Variants in ARVCF observed in about 807,000 individuals in gnomAD.
ARVCF encodes the protein splicing regulator ARVCF.
ARVCF carries 66 observed loss-of-function variants against 90.9 expected under a neutral mutation model. The ratio of observed to expected loss-of-function variants is 0.73; its 90% CI spans 0.60 to 0.89. ARVCF has a LOEUF of 0.89. ARVCF is among the 40% of genes least tolerant of loss of function. The pLI is 0.00. For synonymous variants in ARVCF, 653 were observed against 603.4 expected (o/e 1.08, Z -1.21); for missense variants, 1,469 against 1,382.3 (o/e 1.06, Z -1.00).
downstream of ARVCF, chr22:19,969,895 G>T (rs982843466): frequency 1.0e-6 from 1 of 985,460 alleles, no homozygotes; most frequent in South Asian, 4.7e-5. Flanking sequence ...AAAGCAAAAA[G>T]TTCCTTTGCT....
intron 10 of ARVCF, among the ~76,000 whole-genome samples, chr22:19,976,467 T>C (rs1189353187): frequency 6.6e-6 from 1 of 152,080 alleles, no homozygotes; most frequent in Non-Finnish European, 1.5e-5. Context: ...TTGGTGCCCC[T>C]AGAGATAAGT....
At chr22:20,015,491 A>G (rs764833074) in intron 1 of ARVCF, among the ~76,000 whole-genome samples, 6 of 152,152 alleles carry the variant, frequency 3.9e-5, no homozygotes, top group Non-Finnish European at 7.3e-5. Flanking sequence ...GCTCCAATAG[A>G]GTGAGTACAA....
Position 19,974,210 on chromosome 22 carries a change from C to G in ARVCF, c.1990G>C (p.Val664Leu), listed in dbSNP as rs761063363. Residue 664 changes from valine (V) to leucine (L), a missense_variant, in exon 12 of 20, where the codon GTA becomes CTA. By Grantham distance (32) the Val-to-Leu change is conservative. Transcript: ENST00000263207. ...GTGAGGAGGGAGAGGTAGAGACGTA[C>G]CACCTCGGGCTGGTACAGCAGCTCA... ...GFELLYQPEV[V>L]RLYLSLLTES... is the part of the protein sequence containing the mutation. 1 of 1,612,246 alleles carries G rather than the reference C, an allele frequency of 6.2e-7. No homozygotes were observed. Among genetic ancestry groups the G allele is most frequent in the Non-Finnish European group, 8.5e-7 (1 of 1,179,502 alleles).
chr22:19,968,471 G>T, downstream of ARVCF: 1 of 1,516,130 alleles, frequency 6.6e-7, no homozygotes, highest in South Asian at 1.2e-5. Context: ...CACCCATCCT[G>T]GTTTGGGGCA....
At chr22:19,973,900 A>G in intron 12 of ARVCF, 107 bp from the exon 13 acceptor site, 1 of 1,507,858 alleles carries the variant, frequency 6.6e-7, no homozygotes, top group Non-Finnish European at 8.9e-7. Context: ...CGTGCCCGAC[A>G]AAGCCCTACC....
At chr22:20,007,127 G>T (rs545700782) in intron 2 of ARVCF, among the ~76,000 whole-genome samples, 1 of 149,226 alleles carries the variant, frequency 6.7e-6, no homozygotes, top group Admixed American at 6.7e-5. Context: ...GGCCGGGAGC[G>T]GTGGCTCACA....
intron 2 of ARVCF, among the ~76,000 whole-genome samples, chr22:19,997,943 G>T (rs183631361): frequency 6.6e-6 from 1 of 152,212 alleles, no homozygotes. Flanking sequence ...CAGTGGAGGC[G>T]GAGGCGGGGT....
downstream of ARVCF, chr22:19,967,585 T>C: frequency 2.7e-6 from 1 of 365,458 alleles, no homozygotes; most frequent in Non-Finnish European, 5.4e-6. Flanking sequence ...CCAGGACAGC[T>C]GCAAGCCCTG....
intron 1 of ARVCF, among the ~76,000 whole-genome samples, chr22:20,015,630 G>A (rs1179938412): frequency 6.6e-6 from 1 of 152,114 alleles, no homozygotes; most frequent in Admixed American, 6.5e-5. Context: ...AGCTAAGGTC[G>A]GGAGAGGTGG....
intron 2 of ARVCF, among the ~76,000 whole-genome samples, chr22:19,997,114 G>A (rs1601653184): frequency 6.6e-6 from 1 of 152,222 alleles, no homozygotes; most frequent in Admixed American, 6.5e-5. Context: ...TGGATGGGAG[G>A]TCCAGGGGGA....
intron 3 of ARVCF, chr22:19,987,185 C>A (rs1943830364): frequency 7.3e-6 from 3 of 413,186 alleles, no homozygotes; most frequent in South Asian, 6.3e-5. Flanking sequence ...CGGGCTCAGG[C>A]TCGGCGGACT....
intron 3 of ARVCF, chr22:19,987,184 G>A: frequency 2.4e-6 from 1 of 419,624 alleles, no homozygotes; most frequent in South Asian, 5.7e-5. Context: ...TCGGGCTCAG[G>A]CTCGGCGGAC....
At position 19,977,978 on chromosome 22, in the gene ARVCF, G is replaced by C; in HGVS notation, c.1678C>G (p.Arg560Gly). 2 of 1,609,490 alleles carry C rather than the reference G, an allele frequency of 1.2e-6. No homozygotes were observed. Among genetic ancestry groups the C allele is most frequent in the Non-Finnish European group, 1.7e-6 (2 of 1,178,168 alleles). Residue 560 changes from arginine (R) to glycine (G), a missense_variant, in exon 8 of 20, where the codon CGG becomes GGG. Physicochemically the swap from Arg to Gly is moderately radical, Grantham distance 125. Coordinates refer to ENST00000263207, the MANE Select transcript of ARVCF (RefSeq NM_001670.3). ...LLHALQSAVG[R>G]KDTDNKSVEN... is the part of the protein sequence containing the mutation. The stretch of plus-strand genomic sequence containing the variant: ...CCCACCTTGTTGTCAGTGTCCTTCC[G>C]GCCCACAGCCGACTGCAGGGCATGC...
chr22:19,966,436 TAAAAAAAA>T (rs362115), downstream of ARVCF, among the ~76,000 whole-genome samples: 2 of 135,304 alleles, frequency 1.5e-5, no homozygotes, highest in Admixed American at 7.5e-5. Flanking sequence ...AGTTCCCCCT[TAAAAAAAA>T]AAAAAAAAAA....
intron 6 of ARVCF, chr22:19,979,502 G>T: frequency 1.6e-6 from 1 of 620,838 alleles, no homozygotes; most frequent in Non-Finnish European, 2.7e-6. Context: ...GTGAAGGCAG[G>T]AGGTGAGGGG....
intron 7 of ARVCF, 130 bp from the exon 8 acceptor site, chr22:19,978,205 G>C (rs932810166): frequency 1.3e-6 from 1 of 758,124 alleles, no homozygotes; most frequent in South Asian, 2.0e-5. Context: ...AATGGGAAAG[G>C]ACCCCACAGT....
rs761218501 is a variant in ARVCF at position 19,978,884 on chromosome 22, G to T, written c.1580+13C>A. 6.2e-7 allele frequency: 1 copy of T among 1,603,986 alleles called. No individual in the cohort carries two copies. Among genetic ancestry groups the T allele is most frequent in the Non-Finnish European group, 8.5e-7 (1 of 1,173,702 alleles). On this transcript the variant is annotated intron_variant, in intron 7 of 19. Coordinates refer to ENST00000263207, the MANE Select transcript of ARVCF (RefSeq NM_001670.3). Reference sequence around the variant, plus strand: ...GTGTGCATGTGGGCTTTAGCACCAGGTCTGGTCCACACCTCAGGCAGCCCG... The same window carrying T: ...GTGTGCATGTGGGCTTTAGCACCAGTTCTGGTCCACACCTCAGGCAGCCCG...
At chr22:19,991,082 C>T (rs746545070) in intron 2 of ARVCF, among the ~76,000 whole-genome samples, 11 of 152,262 alleles carry the variant, frequency 7.2e-5, no homozygotes, top group Admixed American at 3.3e-4. Flanking sequence ...GGGCCGTGGG[C>T]GGCTTGGAGC....
At chr22:19,972,237 C>T in intron 17 of ARVCF, 121 bp downstream of exon 17, 6 of 1,390,582 alleles carry the variant, frequency 4.3e-6, no homozygotes, top group Admixed American at 3.7e-5. Flanking sequence ...CTCTAAGCAC[C>T]CCTAAACCAA....
Sources: allele counts gnomAD v4.1 joint callset (sites outside exome capture counted in the v4.1 genomes callset), GRCh38; gene constraint gnomAD v4.1.1; transcripts MANE v1.5; gene names NCBI Gene and HGNC (gene_info 2026-07-23, HGNC 2026-07-21).